Variants in DCDC2B observed in about 807,000 individuals in gnomAD.
DCDC2B encodes the protein doublecortin domain-containing protein 2B.
In DCDC2B, 41 loss-of-function variants were observed where a neutral mutation model predicts 38.9. The observed-to-expected ratio is 1.05, with a 90% CI of 0.82 to 1.37. The LOEUF (loss-of-function observed/expected upper bound fraction) is 1.37, where lower values mean the gene tolerates loss of function less well. Among genes scored for constraint, DCDC2B ranks in the 40% most tolerant of loss-of-function variants. The pLI, the probability that DCDC2B is intolerant of heterozygous loss-of-function variation, is 0.00. For synonymous variants in DCDC2B, 181 were observed against 171.9 expected (o/e 1.05, Z -0.41); for missense variants, 453 against 427.2 (o/e 1.06, Z -0.53).
chr1:32,215,789 C>G lies in DCDC2B; in HGVS notation c.955-13C>G. ...TCACGGCTCCATTCTGTATGGCCTT[C>G]CACCTCCTGCAGAGGGCAGCACAGA... is the stretch of plus-strand genomic sequence containing the variant. On this transcript the variant is annotated splice_polypyrimidine_tract_variant and intron_variant, in intron 8 of 8. Transcript: ENST00000409358. 1 of 1,545,704 alleles carries G rather than the reference C, an allele frequency of 6.5e-7. No individual in the cohort carries two copies. The highest frequency in any genetic ancestry group is 8.7e-7 in the Non-Finnish European group (1 of 1,143,060).
intron 3 of DCDC2B, 73 bp from the exon 4 acceptor site, chr1:32,211,997 G>T: frequency 6.4e-7 from 1 of 1,569,678 alleles, no homozygotes. Context: ...GTTATTGCTG[G>T]CCCTGTGCCA....
intron 7 of DCDC2B, 79 bp from the exon 8 acceptor site, chr1:32,215,361 G>A (rs770809156): frequency 2.5e-6 from 3 of 1,218,580 alleles, no homozygotes; most frequent in Non-Finnish European, 3.5e-6. Context: ...GAGGGAAAGG[G>A]GCTAGCATGA....
chr1:32,209,810 T>C (rs1319684143), intron 1 of DCDC2B, among the ~76,000 whole-genome samples: 1 of 152,144 alleles, frequency 6.6e-6, no homozygotes, highest in Non-Finnish European at 1.5e-5. Flanking sequence ...GGAGAAGAAT[T>C]TGAGTACCTG....
chr1:32,213,663 C>T (rs1318848596), intron 6 of DCDC2B, among the ~76,000 whole-genome samples: 1 of 151,954 alleles, frequency 6.6e-6, no homozygotes, highest in African/African-American at 2.4e-5. Context: ...CACCCACCAC[C>T]ATGCCCGGTT....
rs1233607609 is a variant in DCDC2B, at chr1:32,212,576, T to C, written c.614T>C (p.Phe205Ser). The change falls in exon 5 of 9, where the codon TTC becomes TCC. Residue 205 changes from phenylalanine (F) to serine (S), a missense_variant. By Grantham distance (155) the Phe-to-Ser change is radical. Transcript: ENST00000409358. ...TATGTGGCTGTCGGAGAGGATGAGTTCAAGGACCTTCCCTATCTGGAGCTG... is the reference window on the plus strand; with the variant it reads ...TATGTGGCTGTCGGAGAGGATGAGTCCAAGGACCTTCCCTATCTGGAGCTG... ...HYYVAVGEDEFKDLPYLELLV... is the reference protein window; with the variant it reads ...HYYVAVGEDESKDLPYLELLV... The C allele has an allele frequency of 1.2e-6, 2 of 1,613,996 alleles. No individual in the cohort carries two copies. The highest frequency in any genetic ancestry group is 1.7e-6 in the Non-Finnish European group (2 of 1,179,884).
At chr1:32,213,003 TCTC>T (rs1409846991) in intron 6 of DCDC2B, among the ~76,000 whole-genome samples, 1 of 151,882 alleles carries the variant, frequency 6.6e-6, no homozygotes, top group African/African-American at 2.4e-5. Flanking sequence ...TTCAAGCAAT[TCTC>T]CTGCCTCAGC....
chr1:32,211,042 C>T (rs532944204), intron 1 of DCDC2B, among the ~76,000 whole-genome samples: 37 of 152,306 alleles, frequency 2.4e-4, no homozygotes, highest in African/African-American at 8.9e-4. Context: ...TACTGAGACC[C>T]CAGTCTGGAT....
At chr1:32,212,819 G>T in intron 6 of DCDC2B, 26 bp downstream of exon 6, 2 of 1,612,318 alleles carry the variant, frequency 1.2e-6, no homozygotes, top group South Asian at 2.2e-5. Context: ...GACAATGAGG[G>T]GTGGGAAGAA....
chr1:32,215,051 T>C (rs1638262245), intron 7 of DCDC2B, 119 bp downstream of exon 7: 2 of 1,199,092 alleles, frequency 1.7e-6, no homozygotes, highest in Admixed American at 2.9e-5. Context: ...AAGCCGGCAC[T>C]GGAAAAAAAA....
chr1:32,211,638 ACTC>A (rs1643589047), intron 2 of DCDC2B, 120 bp from the exon 3 acceptor site: 3 of 940,894 alleles, frequency 3.2e-6, no homozygotes, highest in Non-Finnish European at 4.9e-6. Context: ...AAACTGTCTT[ACTC>A]CTCCTCGCCC....
chr1:32,212,766 C>G lies in DCDC2B; in HGVS notation c.687C>G (p.Gly229=), dbSNP rs771349288. Residue 229 remains glycine, a synonymous_variant, in exon 6 of 9, where the codon GGC becomes GGG. Transcript: ENST00000409358. ...SLPRGCWQPP[G]SKSRPHRQGA... ...TTTGTCATTGTAGGCAACCTCCAGG[C>G]TCGAAGTCTAGGCCCCACAGGCAGG... The G allele has an allele frequency of 1.2e-6, 2 of 1,613,914 alleles. No individual in the cohort carries two copies. The highest frequency in any genetic ancestry group is 8.5e-7 in the Non-Finnish European group (1 of 1,179,874).
intron 7 of DCDC2B, chr1:32,215,150 C>T (rs888563179): frequency 6.1e-6 from 4 of 652,590 alleles, no homozygotes; most frequent in African/African-American, 5.5e-5. Context: ...TCATAACTGT[C>T]TCCAGCTGCC....
At chr1:32,213,766 TC>T (rs1446627790) in intron 6 of DCDC2B, among the ~76,000 whole-genome samples, 1 of 151,812 alleles carries the variant, frequency 6.6e-6, no homozygotes, top group African/African-American at 2.4e-5. Context: ...CACCTCAGCC[TC>T]CCAAAGTGCT....
chr1:32,215,855 T>C lies in DCDC2B; in HGVS notation c.1008T>C (p.Ala336=). 1 of 1,553,018 alleles carries C rather than the reference T, an allele frequency of 6.4e-7. No individual in the cohort carries two copies. The highest frequency in any genetic ancestry group is 8.7e-7 in the Non-Finnish European group (1 of 1,147,850). ...TGTCCCTGGAAAACCAGCCTGGGGC[T>C]GGGGCTGCTATCTCAGCCTCAGCCC... ...EALSLENQPG[A]GAAISASAPA... The change falls in exon 9 of 9, where the codon GCT becomes GCC. Residue 336 remains alanine (A), a synonymous_variant. Transcript: ENST00000409358.
In DCDC2B at chr1:32,211,968, A is replaced by G. The variant is rs1002640719; in HGVS notation, c.396-102A>G. ...AGAAGTCCAGCATGCTTGATGGGTG[A>G]AGAGAGACCAGTGTTATGGTTATTG... On this transcript the variant is annotated intron_variant, in intron 3 of 8. Transcript: ENST00000409358. 37 of 1,540,574 alleles carry G rather than the reference A, an allele frequency of 2.4e-5. 1 individual carries two copies. The highest frequency in any genetic ancestry group is 1.4e-4 in the Admixed American group (7 of 51,624).
At chr1:32,212,267 G>A (rs1351818454) in intron 4 of DCDC2B, 66 bp downstream of exon 4, 1 of 1,589,562 alleles carries the variant, frequency 6.3e-7, no homozygotes, top group Non-Finnish European at 8.6e-7. Context: ...CTTCAGCTGT[G>A]GCTGAGGATG....
At chr1:32,210,983 G>A (rs1476085676) in intron 1 of DCDC2B, among the ~76,000 whole-genome samples, 1 of 152,220 alleles carries the variant, frequency 6.6e-6, no homozygotes, top group Non-Finnish European at 1.5e-5. Context: ...TGGGATTACA[G>A]GCGTGAGCTG....
At chr1:32,215,758 C>A in intron 8 of DCDC2B, 44 bp from the exon 9 acceptor site, 1 of 1,448,872 alleles carries the variant, frequency 6.9e-7, no homozygotes, top group Non-Finnish European at 9.4e-7. Flanking sequence ...TGGAGGCTGG[C>A]CATACTCACG....
rs972776615 is a variant in DCDC2B at position 32,215,783 on chromosome 1, G to A, written c.955-19G>A. ...CCATACTCACGGCTCCATTCTGTAT[G>A]GCCTTCCACCTCCTGCAGAGGGCAG... On this transcript the variant is annotated intron_variant, in intron 8 of 8. Coordinates refer to ENST00000409358, the MANE Select transcript of DCDC2B (RefSeq NM_001099434.2). 2.3e-5 allele frequency: 36 copies of A among 1,536,992 alleles called. No individual in the cohort carries two copies. In the African/African-American group the frequency reaches 4.3e-4, roughly 18 times the overall value.
Sources: allele counts gnomAD v4.1 joint callset (sites outside exome capture counted in the v4.1 genomes callset), GRCh38; gene constraint gnomAD v4.1.1; transcripts MANE v1.5; gene names NCBI Gene and HGNC (gene_info 2026-07-23, HGNC 2026-07-21).